The following PIK3C3 variants were observed in gnomAD, a reference collection of about 807,000 sequenced individuals.
PIK3C3 encodes phosphatidylinositol 3-kinase catalytic subunit type 3.
Under a neutral mutation model 126.1 loss-of-function variants are expected in PIK3C3, and 95 were observed. That is an observed-to-expected ratio of 0.75 (90% CI 0.64 to 0.89). The LOEUF (loss-of-function observed/expected upper bound fraction) is 0.89. Among genes scored for constraint, PIK3C3 ranks in the 40% least tolerant of loss-of-function variants. The pLI is 0.00. For synonymous variants in PIK3C3, 374 were observed against 360.0 expected (o/e 1.04, Z -0.44); for missense variants, 829 against 1,063.2 (o/e 0.78, Z 3.06).
intron 15 of PIK3C3, 134 bp from the exon 16 acceptor site, chr18:42,033,692 A>G (rs972510617): frequency 7.1e-6 from 4 of 560,622 alleles, no homozygotes; most frequent in Non-Finnish European, 1.2e-5. Context: ...CACATACAAC[A>G]CCATCTCCTT....
chr18:42,015,450 A>G (rs751816025), intron 11 of PIK3C3, 26 bp from the exon 12 acceptor site: 3 of 1,546,838 alleles, frequency 1.9e-6, no homozygotes, highest in Admixed American at 3.3e-5. Flanking sequence ...TTTACATCTC[A>G]GTGATCTCTT....
At position 42,042,457 on chromosome 18, in the gene PIK3C3, C is replaced by T. The variant is rs550681268; in HGVS notation, c.2104-1276C>T. 1.1e-4 allele frequency among the ~76,000 whole-genome samples: 16 copies of T among 152,202 alleles called. No individual in the cohort carries two copies. In the South Asian group the frequency reaches 2.3e-3, roughly 22 times the overall value. On this transcript the variant is annotated intron_variant, in intron 19 of 24. Coordinates refer to ENST00000262039, the MANE Select transcript of PIK3C3 (RefSeq NM_002647.4). ...AAACCTGTCAGTGGTCCTGGGGACC[C>T]GTTTAACATACCCTTCAAGACACCA...
intron 9 of PIK3C3, 104 bp downstream of exon 9, chr18:41,996,834 G>A (rs1366189780): frequency 1.5e-6 from 1 of 659,428 alleles, no homozygotes; most frequent in Non-Finnish European, 2.6e-6. Flanking sequence ...TCACTTTAAA[G>A]AAAAGTTACA....
At chr18:42,013,185 A>C (rs184526238) in intron 10 of PIK3C3, among the ~76,000 whole-genome samples, 1 of 149,548 alleles carries the variant, frequency 6.7e-6, no homozygotes, top group Non-Finnish European at 1.5e-5. Flanking sequence ...TGTGCCGGAC[A>C]CTATACTGTG....
At chr18:42,048,101 GTCC>G (rs1425421157) in intron 20 of PIK3C3, among the ~76,000 whole-genome samples, 1 of 152,148 alleles carries the variant, frequency 6.6e-6, no homozygotes, top group Non-Finnish European at 1.5e-5. Flanking sequence ...TACCCTTTAA[GTCC>G]TCCTCAGTGG....
chr18:41,991,385 A>G (rs1487961226), intron 6 of PIK3C3, among the ~76,000 whole-genome samples: 2 of 152,104 alleles, frequency 1.3e-5, no homozygotes, highest in African/African-American at 4.8e-5. Flanking sequence ...AAAAAAATGT[A>G]TGCATAGTTT....
Position 42,081,279 on chromosome 18 carries a change from G to A in PIK3C3, c.*142G>A, listed in dbSNP as rs1346514579. ...TTACCATATTTTCCAAATATTACAT[G>A]GTACCTGAGTTCTGCTTCCTTGGAT... On this transcript the variant is annotated 3_prime_UTR_variant, in exon 25 of 25. Transcript: ENST00000262039. The A allele has an allele frequency of 1.8e-6, 1 of 547,654 alleles. No individual in the cohort carries two copies. The highest frequency in any genetic ancestry group is 3.3e-6 in the Non-Finnish European group (1 of 304,764). The allele number at this position is 547,654 out of a possible 1,614,324, so 33.9% of individuals were successfully genotyped here. A position where few individuals can be genotyped will look rare whatever the true frequency, so the allele number is the denominator to read the frequency against.
rs750074973 is a variant in PIK3C3, at chr18:41,990,445, ATT to A, written c.619-5_619-4del. ...AAAATAATCATTTTTCATGAAAATCATTTTTTTTTTCAGAGTGAAAAACGAAG... is the reference window on the plus strand; with the variant it reads ...AAAATAATCATTTTTCATGAAAATCATTTTTTTTCAGAGTGAAAAACGAAG... On this transcript the variant is annotated splice_polypyrimidine_tract_variant and intron_variant, in intron 5 of 24. Transcript: ENST00000262039. 2.2e-5 allele frequency: 29 copies of A among 1,323,528 alleles called. No individual in the cohort carries two copies. The highest frequency in any genetic ancestry group is 2.9e-5 in the African/African-American group (2 of 68,086). The allele number at this position is 1,323,528 out of a possible 1,614,324, so 82.0% of individuals were successfully genotyped here.
At position 41,984,949 on chromosome 18, in the gene PIK3C3, A is replaced by T. The variant is rs188738641; in HGVS notation, c.532-2863A>T. ...TTTGGTTTCTTCACATGTTAGGAACATTAAGCCATCATGTAAGAAGTCCAG... is the reference window on the plus strand; with the variant it reads ...TTTGGTTTCTTCACATGTTAGGAACTTTAAGCCATCATGTAAGAAGTCCAG... On this transcript the variant is annotated intron_variant, in intron 4 of 24. Coordinates refer to ENST00000262039, the MANE Select transcript of PIK3C3 (RefSeq NM_002647.4). 3.3e-5 allele frequency: 5 copies of T among 152,314 alleles called. No homozygotes were observed. In the East Asian group the frequency reaches 9.7e-4, roughly 29 times the overall value. The allele number at this position is 152,314 out of a possible 1,614,324, so 9.4% of individuals were successfully genotyped here.
At chr18:42,030,712 T>C (rs994849499) in intron 15 of PIK3C3, among the ~76,000 whole-genome samples, 2 of 152,222 alleles carry the variant, frequency 1.3e-5, no homozygotes, top group Admixed American at 6.5e-5. Flanking sequence ...TTTCTACTAC[T>C]GTTCCCCCTG....
At chr18:42,048,948 A>G (rs1984674731) in intron 20 of PIK3C3, among the ~76,000 whole-genome samples, 1 of 152,182 alleles carries the variant, frequency 6.6e-6, no homozygotes, top group African/African-American at 2.4e-5. Flanking sequence ...AAATTTCCAG[A>G]CTTTTTTTAG....
rs1979846977 is a variant in PIK3C3, at chr18:41,957,568, A to C, written c.69-2A>C. 6.2e-7 allele frequency: 1 copy of C among 1,604,494 alleles called. No individual in the cohort carries two copies. Among genetic ancestry groups the C allele is most frequent in the South Asian group, 1.1e-5 (1 of 89,480 alleles). ...GAAACATTGTTGGTCTTGTGCTTTC[A>C]GAGGAAGCTTGGAAGGGAAGAGAGA... On this transcript the variant is annotated splice_acceptor_variant, in intron 1 of 24. Transcript: ENST00000262039. LOFTEE classifies it high-confidence loss of function.
In PIK3C3 at chr18:42,067,006, G is replaced by T. The variant is rs558988327; in HGVS notation, c.2524-382G>T. Among the ~76,000 whole-genome samples the T allele has an allele frequency of 2.6e-5, 4 of 152,106 alleles. No homozygotes were observed. In the East Asian group the frequency reaches 7.7e-4, roughly 29 times the overall value. On this transcript the variant is annotated intron_variant, in intron 23 of 24. Coordinates refer to ENST00000262039, the MANE Select transcript of PIK3C3 (RefSeq NM_002647.4). ...ATTCACAAGGAATAACAGGAATAAA[G>T]TGGATTATTAATAAACATTCCACAA...
At chr18:41,972,799 G>A (rs747418741) in intron 4 of PIK3C3, among the ~76,000 whole-genome samples, 1 of 152,028 alleles carries the variant, frequency 6.6e-6, no homozygotes, top group Admixed American at 6.6e-5. Flanking sequence ...GTGCTAACTC[G>A]ATATTCCCCT....
chr18:42,004,297 C>CA, intron 9 of PIK3C3, 59 bp from the exon 10 acceptor site: 5 of 1,355,224 alleles, frequency 3.7e-6, no homozygotes, highest in Non-Finnish European at 5.2e-6. Context: ...TCTGCCTAGT[C>CA]AACTTCTCTA....
chr18:41,993,315 A>G lies in PIK3C3; in HGVS notation c.760A>G (p.Lys254Glu), dbSNP rs758116607. 95 of 1,608,886 alleles carry G rather than the reference A, an allele frequency of 5.9e-5. No homozygotes were observed. Among genetic ancestry groups the G allele is most frequent in the Admixed American group, 8.4e-5 (5 of 59,776 alleles). Residue 254 changes from lysine (K) to glutamate (E), a missense_variant, in exon 7 of 25, where the codon AAA becomes GAA. Coordinates refer to ENST00000262039, the MANE Select transcript of PIK3C3 (RefSeq NM_002647.4). Reference sequence around the variant, plus strand: ...AATTTTAACAAGTTTTGAATTAGTGAAAGTTCCTGACCCCCAGATGTCTAT... The same window carrying G: ...AATTTTAACAAGTTTTGAATTAGTGGAAGTTCCTGACCCCCAGATGTCTAT... Reference protein sequence around the residue: ...SPILTSFELVKVPDPQMSMEN... With the variant: ...SPILTSFELVEVPDPQMSMEN...
Position 42,055,035 on chromosome 18 carries a change from G to A in PIK3C3, c.2264-2848G>A, listed in dbSNP as rs115978455. Among the ~76,000 whole-genome samples, 1,406 of 151,914 alleles carry A rather than the reference G, an allele frequency of 9.3e-3. 22 individuals carry two copies. Among genetic ancestry groups the A allele is most frequent in the African/African-American group, 0.032 (1,342 of 41,410 alleles). ...TTCTTTTTCCCACTTGCTATAATTT[G>A]GGTATTTGACTCCTCCAAATCTCAT... On this transcript the variant is annotated intron_variant, in intron 21 of 24. Transcript: ENST00000262039.
intron 12 of PIK3C3, among the ~76,000 whole-genome samples, chr18:42,017,225 C>T (rs1453282743): frequency 6.6e-6 from 1 of 152,112 alleles, no homozygotes; most frequent in Non-Finnish European, 1.5e-5. Flanking sequence ...CTCTTCTTAT[C>T]ACAACTTGAG....
At chr18:41,987,586 G>A (rs1159794505) in intron 4 of PIK3C3, among the ~76,000 whole-genome samples, 1 of 151,928 alleles carries the variant, frequency 6.6e-6, no homozygotes, top group African/African-American at 2.4e-5. Flanking sequence ...TCTTTATCAT[G>A]TCAAAATATG....
Sources: gnomAD v4.1 joint callset for allele counts (sites outside exome capture counted in the v4.1 genomes callset) on GRCh38, gnomAD v4.1.1 for gene constraint, MANE v1.5 for transcripts, NCBI Gene and HGNC (gene_info 2026-07-23, HGNC 2026-07-21) for gene names.